Variants in DIS3L2 observed in about 807,000 individuals in gnomAD.
The protein encoded by DIS3L2 is DIS3-like exonuclease 2.
A neutral mutation model predicts 97.5 loss-of-function variants in DIS3L2; 34 were observed. The observed-to-expected ratio is 0.35, with a 90% CI of 0.27 to 0.46. The LOEUF (loss-of-function observed/expected upper bound fraction) is 0.46. Ranked by LOEUF, DIS3L2 falls within the 20% of genes least tolerant of loss-of-function variation. The probability of loss-of-function intolerance (pLI) is 1.00; values close to 1 mark genes in which losing one functional copy is unlikely to be tolerated. For synonymous variants in DIS3L2, 435 were observed against 445.2 expected (o/e 0.98, Z 0.29); for missense variants, 1,038 against 1,146.0 (o/e 0.91, Z 1.36).
chr2:232,322,972 C>T (rs1347477208), intron 14 of DIS3L2, among the ~76,000 whole-genome samples: 1 of 152,210 alleles, frequency 6.6e-6, no homozygotes, highest in Non-Finnish European at 1.5e-5. Flanking sequence ...TTGAAAGGGA[C>T]CCCTGGCCAG....
At chr2:232,163,389 A>C in intron 8 of DIS3L2, 70 bp from the exon 9 acceptor site, 1 of 1,509,888 alleles carries the variant, frequency 6.6e-7, no homozygotes, top group Non-Finnish European at 8.9e-7. Context: ...CTTTACTTTT[A>C]GAGAGGAGAC....
chr2:231,971,593 G>A (rs960422779), intron 1 of DIS3L2, among the ~76,000 whole-genome samples: 4 of 152,010 alleles, frequency 2.6e-5, no homozygotes, highest in African/African-American at 4.8e-5. Flanking sequence ...GACTACAGGC[G>A]CCCGCCACCA....
At chr2:232,330,893 G>A (rs1695718369) in intron 16 of DIS3L2, 117 bp downstream of exon 16, 22 of 1,062,538 alleles carry the variant, frequency 2.1e-5, no homozygotes, top group Non-Finnish European at 3.0e-5. Context: ...GACATGGCTG[G>A]GTGGACGGGG....
intron 14 of DIS3L2, among the ~76,000 whole-genome samples, chr2:232,309,744 G>C (rs762624201): frequency 1.1e-4 from 17 of 152,142 alleles, no homozygotes; most frequent in Admixed American, 3.3e-4. Flanking sequence ...TGCAGGACCT[G>C]GCCTGCATTA....
intron 8 of DIS3L2, among the ~76,000 whole-genome samples, chr2:232,141,680 G>T (rs1690051428): frequency 6.6e-6 from 1 of 152,138 alleles, no homozygotes; most frequent in Non-Finnish European, 1.5e-5. Flanking sequence ...GGGAAATTCT[G>T]ACCTTAGAGG....
intron 5 of DIS3L2, among the ~76,000 whole-genome samples, chr2:232,079,101 A>C (rs1696304487): frequency 6.6e-6 from 1 of 152,230 alleles, no homozygotes; most frequent in South Asian, 2.1e-4. Flanking sequence ...GACTCTGAAC[A>C]AATCATTTCC....
intron 5 of DIS3L2, among the ~76,000 whole-genome samples, chr2:232,047,818 C>T (rs1159471164): frequency 1.3e-5 from 2 of 152,156 alleles, no homozygotes; most frequent in African/African-American, 2.4e-5. Context: ...TAGAATTGTA[C>T]AATATTTGTC....
intron 7 of DIS3L2, among the ~76,000 whole-genome samples, chr2:232,136,255 T>A (rs1036856379): frequency 5.3e-5 from 8 of 152,224 alleles, no homozygotes; most frequent in Non-Finnish European, 1.0e-4. Flanking sequence ...TTCATCCATG[T>A]ATTGCATAAT....
Position 232,334,568 on chromosome 2 carries a change from G to A in DIS3L2, c.2290-63G>A, listed in dbSNP as rs539063361. 266 of 1,603,942 alleles carry A rather than the reference G, an allele frequency of 1.7e-4. 1 individual carries two copies. In the African/African-American group the frequency reaches 2.9e-3, roughly 17 times the overall value. ...GACCCTCCTGGGCACCTGCTCACCA[G>A]GAGGCCTCGAGGAGCCCAGGGCAGT... On this transcript the variant is annotated intron_variant, in intron 18 of 20. Transcript: ENST00000325385.
Position 232,330,796 on chromosome 2 carries a change from G to T in DIS3L2, c.2010+20G>T. The T allele has an allele frequency of 1.9e-6, 3 of 1,604,700 alleles. No individual in the cohort carries two copies. The highest frequency in any genetic ancestry group is 2.5e-6 in the Non-Finnish European group (3 of 1,178,964). Reference sequence around the variant, plus strand: ...ATGCAGGTAAGGAGGGCCCAGCCCCGGCCTCCCCTGCTCCCAGGAGCACAC... The same window carrying T: ...ATGCAGGTAAGGAGGGCCCAGCCCCTGCCTCCCCTGCTCCCAGGAGCACAC... On this transcript the variant is annotated intron_variant, in intron 16 of 20. Coordinates refer to ENST00000325385, the MANE Select transcript of DIS3L2 (RefSeq NM_152383.5).
At chr2:232,134,547 G>A (rs1698305794) in intron 7 of DIS3L2, among the ~76,000 whole-genome samples, 1 of 152,190 alleles carries the variant, frequency 6.6e-6, no homozygotes, top group African/African-American at 2.4e-5. Flanking sequence ...GTTCAAGGCC[G>A]GATGCAGTGG....
chr2:232,063,563 G>A (rs1328069377), intron 5 of DIS3L2, among the ~76,000 whole-genome samples: 1 of 152,060 alleles, frequency 6.6e-6, no homozygotes, highest in East Asian at 1.9e-4. Context: ...CCTACTTCTT[G>A]AACTTTTTAA....
chr2:232,171,665 G>A (rs1309283638), intron 9 of DIS3L2, among the ~76,000 whole-genome samples: 1 of 152,184 alleles, frequency 6.6e-6, no homozygotes, highest in East Asian at 1.9e-4. Flanking sequence ...TGGGGAAGCT[G>A]TCATTGTCAT....
chr2:232,147,987 C>T (rs1365427511), intron 8 of DIS3L2, among the ~76,000 whole-genome samples: 1 of 116,894 alleles, frequency 8.6e-6, no homozygotes. Flanking sequence ...CTCCCCTCCG[C>T]TCCCCTCTTT....
chr2:232,200,190 G>T (rs1691852121), intron 9 of DIS3L2, among the ~76,000 whole-genome samples: 1 of 152,226 alleles, frequency 6.6e-6, no homozygotes, highest in Non-Finnish European at 1.5e-5. Flanking sequence ...TTAGATTTCA[G>T]TTGGGGATGT....
chr2:232,000,625 T>TTCCTTTCCTTTCCTTTCCTG (rs1693856703), intron 1 of DIS3L2, among the ~76,000 whole-genome samples: 1 of 107,168 alleles, frequency 9.3e-6, no homozygotes, highest in African/African-American at 2.9e-5. Flanking sequence ...TTCCTTTCCT[T>TTCCTTTCCTTTCCTTTCCTG]TCCTTTCCTT....
In DIS3L2 at chr2:232,325,780, C is replaced by T. The variant is rs1695554065; in HGVS notation, c.1740-4033C>T. 6.6e-6 allele frequency among the ~76,000 whole-genome samples: 1 copy of T among 152,238 alleles called. No homozygotes were observed. Among genetic ancestry groups the T allele is most frequent in the African/African-American group, 2.4e-5 (1 of 41,456 alleles). ...AAGCAGTTGTCAGGCAGTCCCTGAG[C>T]TCCAGCGCCCCATCCCCCGCAGGGC... On this transcript the variant is annotated intron_variant, in intron 14 of 20. Coordinates refer to ENST00000325385, the MANE Select transcript of DIS3L2 (RefSeq NM_152383.5). This position sits in a 1 kb window ranked among gnomAD's most constrained non-coding sequence, Gnocchi z 4.6.
Position 232,336,610 on chromosome 2 carries a change from G to A in DIS3L2, c.2638G>A (p.Glu880Lys), listed in dbSNP as rs756721316. 9.3e-6 allele frequency: 15 copies of A among 1,606,014 alleles called. No homozygotes were observed. The highest frequency in any genetic ancestry group is 1.7e-5 in the Admixed American group (1 of 59,826). Residue 880 changes from glutamate to lysine, a missense_variant, in exon 21 of 21, where the codon GAG becomes AAG. Coordinates refer to ENST00000325385, the MANE Select transcript of DIS3L2 (RefSeq NM_152383.5). Reference sequence around the variant, plus strand: ...GGAGGAGGAGTCTGACGGTGAGCCCGAGGACTCAAGCACCAGCTGAGCTCC... The same window carrying A: ...GGAGGAGGAGTCTGACGGTGAGCCCAAGGACTCAAGCACCAGCTGAGCTCC... ...KEEEESDGEPEDSSTS is the reference protein window; with the variant it reads ...KEEEESDGEPKDSSTS
rs1695574437 is a variant in DIS3L2 at position 232,057,424 on chromosome 2, T to G, written c.366+27344T>G. On this transcript the variant is annotated intron_variant, in intron 5 of 20. Transcript: ENST00000325385. Reference sequence around the variant, plus strand: ...AGGTAAAGGGCTTTTGCAGATGTTATTGAAGTCCCTAATCAGCTGACTTTA... The same window carrying G: ...AGGTAAAGGGCTTTTGCAGATGTTAGTGAAGTCCCTAATCAGCTGACTTTA... 2.0e-5 allele frequency among the ~76,000 whole-genome samples: 3 copies of G among 152,146 alleles called. No individual in the cohort carries two copies. In the South Asian group the frequency reaches 6.2e-4, roughly 32 times the overall value.
Sources: gnomAD v4.1 joint callset for allele counts (sites outside exome capture counted in the v4.1 genomes callset) on GRCh38, gnomAD v4.1.1 for gene constraint, Gnocchi (gnomAD v3.1) non-coding constraint, MANE v1.5 for transcripts, NCBI Gene and HGNC (gene_info 2026-07-23, HGNC 2026-07-21) for gene names.